EYA1: variants seen among roughly 807,000 people sequenced by gnomAD.
EYA1 encodes protein phosphatase EYA1.
A neutral mutation model predicts 82.0 loss-of-function variants in EYA1; 16 were observed. The observed-to-expected ratio is 0.20, with a 90% confidence interval of 0.13 to 0.30. EYA1 has a LOEUF of 0.30. Ranked by LOEUF, EYA1 falls within the 10% of genes least tolerant of loss-of-function variation. The probability of loss-of-function intolerance (pLI) is 1.00; values close to 1 mark genes in which losing one functional copy is unlikely to be tolerated. For missense variants in EYA1, 633 were observed against 730.7 expected, an observed-to-expected ratio of 0.87 and a Z score of 1.54; for synonymous variants, 261 against 264.4, an observed-to-expected ratio of 0.99 and a Z score of 0.12.
At chr8:71,292,499 A>G (rs1819112255) in intron 9 of EYA1, among the ~76,000 whole-genome samples, 1 of 152,104 alleles carries the variant, frequency 6.6e-6, no homozygotes, top group African/African-American at 2.4e-5. Context: ...TTTTATAGAG[A>G]GTGAAATTTG....
At chr8:71,437,572 C>CT (rs978696011) in intron 2 of EYA1, among the ~76,000 whole-genome samples, 8 of 151,976 alleles carry the variant, frequency 5.3e-5, no homozygotes, top group Non-Finnish European at 1.0e-4. Flanking sequence ...ATTATTATTA[C>CT]TTTTTAAAAG....
chr8:71,340,955 T>C (rs759734475), intron 3 of EYA1, among the ~76,000 whole-genome samples: 2 of 152,220 alleles, frequency 1.3e-5, no homozygotes, highest in Non-Finnish European at 2.9e-5. Context: ...ACACTGTTTA[T>C]GCTAAAAACA....
chr8:71,250,074 G>T, intron 11 of EYA1, among the ~76,000 whole-genome samples: 1 of 151,390 alleles, frequency 6.6e-6, no homozygotes, highest in East Asian at 1.9e-4. Context: ...GTCTTTTGTG[G>T]ATATTTGGTA....
chr8:71,305,249 G>T (rs1477234853), intron 7 of EYA1, among the ~76,000 whole-genome samples: 1 of 142,686 alleles, frequency 7.0e-6, no homozygotes, highest in Non-Finnish European at 1.6e-5. Context: ...AAATAGAGCC[G>T]CTACATCCTA....
chr8:71,424,432 C>T (rs1831309740), intron 2 of EYA1, among the ~76,000 whole-genome samples: 1 of 152,136 alleles, frequency 6.6e-6, no homozygotes, highest in Non-Finnish European at 1.5e-5. Context: ...AAATGCTTTG[C>T]TTAAGAAAAT....
intron 2 of EYA1, among the ~76,000 whole-genome samples, chr8:71,414,930 T>C (rs1390678256): frequency 6.6e-6 from 1 of 152,238 alleles, no homozygotes; most frequent in East Asian, 1.9e-4. Flanking sequence ...ATTGAGTTTA[T>C]GGCTTTCAAG....
chr8:71,410,439 G>T (rs1267684750), intron 2 of EYA1, among the ~76,000 whole-genome samples: 2 of 85,052 alleles, frequency 2.4e-5, no homozygotes, highest in African/African-American at 4.1e-5. Context: ...AAGTCAAATT[G>T]TCCCTGTTTG....
intron 2 of EYA1, among the ~76,000 whole-genome samples, chr8:71,509,967 A>C (rs984224723): frequency 6.6e-6 from 1 of 151,892 alleles, no homozygotes; most frequent in African/African-American, 2.4e-5. Context: ...TGAAGGAATC[A>C]TAGATGGTAA....
intron 2 of EYA1, among the ~76,000 whole-genome samples, chr8:71,405,334 C>G (rs575422978): frequency 8.2e-4 from 125 of 152,326 alleles, no homozygotes; most frequent in Middle Eastern, 3.4e-3. Context: ...ACTCTCCTCT[C>G]CTGTCCAACC....
chr8:71,393,123 A>C (rs1302084868), intron 2 of EYA1, among the ~76,000 whole-genome samples: 2 of 152,166 alleles, frequency 1.3e-5, no homozygotes, highest in Non-Finnish European at 2.9e-5. Flanking sequence ...AAGTCATTTT[A>C]TACACTGGAA....
intron 2 of EYA1, among the ~76,000 whole-genome samples, chr8:71,524,556 A>G (rs1478010031): frequency 1.3e-5 from 2 of 152,264 alleles, no homozygotes; most frequent in African/African-American, 4.8e-5. Flanking sequence ...ATAGAAATAC[A>G]ACAGCCTCAT....
intron 16 of EYA1, among the ~76,000 whole-genome samples, chr8:71,214,763 C>T (rs1204025302): frequency 6.6e-6 from 1 of 152,144 alleles, no homozygotes; most frequent in African/African-American, 2.4e-5. Flanking sequence ...TGCTCATTTG[C>T]ATACTCTTGT....
At chr8:71,531,156 T>C (rs185048159) in intron 2 of EYA1, 5 of 152,324 alleles carry the variant, frequency 3.3e-5, no homozygotes, top group African/African-American at 4.8e-5. Flanking sequence ...TTTTTATTCA[T>C]GGTCGTTTAT....
At chr8:71,505,910 C>G (rs918458147) in intron 2 of EYA1, among the ~76,000 whole-genome samples, 1 of 152,134 alleles carries the variant, frequency 6.6e-6, no homozygotes, top group East Asian at 1.9e-4. Flanking sequence ...GTTTCCCCAA[C>G]ACTGTTCTCA....
At chr8:71,313,920 T>C (rs1345089882) in intron 7 of EYA1, among the ~76,000 whole-genome samples, 2 of 152,242 alleles carry the variant, frequency 1.3e-5, no homozygotes, top group Non-Finnish European at 2.9e-5. Context: ...GCTACTAGAA[T>C]AGTTCTTCTA....
At chr8:71,536,870 A>G (rs1586907005) in intron 1 of EYA1, among the ~76,000 whole-genome samples, 1 of 152,220 alleles carries the variant, frequency 6.6e-6, no homozygotes, top group Non-Finnish European at 1.5e-5. Context: ...CTCTGCCACT[A>G]AACAGCTGAA....
At position 71,277,436 on chromosome 8, in the gene EYA1, G is replaced by A. The variant is rs72654139; in HGVS notation, c.827-5539C>T. 7.6e-3 allele frequency among the ~76,000 whole-genome samples: 1,158 copies of A among 152,188 alleles called. 3 individuals are homozygous for A. Among genetic ancestry groups the A allele is most frequent in the Non-Finnish European group, 0.013 (891 of 68,018 alleles). On this transcript the variant is annotated intron_variant, in intron 9 of 17. Coordinates refer to ENST00000340726, the MANE Select transcript of EYA1 (RefSeq NM_000503.6). Reference sequence around the variant, plus strand: ...CAAAGCACTAGGATTACAGGCATGAGCCAATGCACCTGGCCCTTGTCTCCT... The same window carrying A: ...CAAAGCACTAGGATTACAGGCATGAACCAATGCACCTGGCCCTTGTCTCCT...
intron 9 of EYA1, among the ~76,000 whole-genome samples, chr8:71,298,526 G>A (rs1238031985): frequency 6.6e-6 from 1 of 152,178 alleles, no homozygotes; most frequent in African/African-American, 2.4e-5. Flanking sequence ...ACCAGCAAGG[G>A]AGTTGTGCAG....
chr8:71,472,099 A>G (rs1809251657), intron 2 of EYA1, among the ~76,000 whole-genome samples: 1 of 152,116 alleles, frequency 6.6e-6, no homozygotes, highest in South Asian at 2.1e-4. Flanking sequence ...TTCAACCATA[A>G]AAACATTTAC....
Sources: allele counts gnomAD v4.1 joint callset (sites outside exome capture counted in the v4.1 genomes callset), GRCh38; gene constraint gnomAD v4.1.1; transcripts MANE v1.5; gene names NCBI Gene and HGNC (gene_info 2026-07-23, HGNC 2026-07-21).